The following HERC1 variants were observed in gnomAD, a reference collection of about 807,000 sequenced individuals.
HERC1 encodes the protein HECT and RLD domain containing E3 ubiquitin protein ligase family member 1.
A neutral mutation model predicts 554.3 loss-of-function variants in HERC1; 160 were observed. The observed-to-expected ratio is 0.29, with a 90% confidence interval of 0.25 to 0.33. HERC1 has a LOEUF of 0.33. HERC1 is among the 10% of genes least tolerant of loss of function. The pLI, the probability that HERC1 is intolerant of heterozygous loss-of-function variation, is 1.00. For missense variants in HERC1, 4,919 were observed against 5,918.5 expected (o/e 0.83, Z 5.54); for synonymous variants, 2,175 against 2,131.7 (o/e 1.02, Z -0.56).
Position 63,674,722 on chromosome 15 carries a change from T to C in HERC1, c.7466A>G (p.His2489Arg), listed in dbSNP as rs1411518056. The C allele has an allele frequency of 6.2e-7, 1 of 1,613,794 alleles. No homozygotes were observed. The highest frequency in any genetic ancestry group is 1.1e-5 in the South Asian group (1 of 91,036). ...HQITEGKRKNHEHMSKNHDVA... is the reference protein window; with the variant it reads ...HQITEGKRKNREHMSKNHDVA... The stretch of plus-strand genomic sequence containing the variant: ...ATCATGGTTTTTGGACATGTGTTCA[T>C]GATTTTTTCTTTTCCCTTCTGTTAT... Residue 2489 changes from histidine to arginine, a missense_variant, in exon 38 of 78, where the codon CAT (histidine) becomes CGT (arginine). His to Arg is a conservative substitution (Grantham distance 29, BLOSUM62 0). Transcript: ENST00000443617.
At chr15:63,819,228 A>T (rs1041449625) in intron 1 of HERC1, among the ~76,000 whole-genome samples, 2 of 152,136 alleles carry the variant, frequency 1.3e-5, no homozygotes, top group African/African-American at 4.8e-5. Context: ...TTGCATCATT[A>T]AAAAAAGAAC....
chr15:63,805,791 A>C (rs921920817), intron 1 of HERC1, among the ~76,000 whole-genome samples: 4 of 151,992 alleles, frequency 2.6e-5, no homozygotes, highest in African/African-American at 9.7e-5. Flanking sequence ...TACAAAAAAT[A>C]AGTTAGCCAT....
chr15:63,675,782 T>C (rs12906986), intron 37 of HERC1, among the ~76,000 whole-genome samples: 123,819 of 152,126 alleles, frequency 0.81, 52,263 homozygotes, highest in Non-Finnish European at 0.88. Flanking sequence ...AAGCTTTTGC[T>C]GGTATAAAGT....
chr15:63,616,813 A>G lies in HERC1; in HGVS notation c.13689-131T>C, dbSNP rs879332968. ...TGGCATCCATTAGCCACATAAGGCT[A>G]AAGTAATTAAATAAAACTAAAAATT... On this transcript the variant is annotated intron_variant, in intron 74 of 77. Coordinates refer to ENST00000443617, the MANE Select transcript of HERC1 (RefSeq NM_003922.4). 30 of 784,666 alleles carry G rather than the reference A, an allele frequency of 3.8e-5. No homozygotes were observed. The Admixed American group carries it at 4.8e-4, about 13-fold the overall frequency. The allele number at this position is 784,666 out of a possible 1,614,324, so 48.6% of individuals were successfully genotyped here.
intron 74 of HERC1, among the ~76,000 whole-genome samples, chr15:63,620,411 C>T (rs940870481): frequency 2.6e-5 from 4 of 151,752 alleles, no homozygotes; most frequent in African/African-American, 9.7e-5. Context: ...GCTTTACTTC[C>T]AACTATGTGG....
Position 63,749,747 on chromosome 15 carries a change from TG to T in HERC1, c.1946del (p.Ser649Ter). 6.3e-7 allele frequency: 1 copy of T among 1,581,418 alleles called. No individual in the cohort carries two copies. Among genetic ancestry groups the T allele is most frequent in the East Asian group, 2.3e-5 (1 of 43,452 alleles). On this transcript the variant is annotated frameshift_variant, in exon 9 of 78. Coordinates refer to ENST00000443617, the MANE Select transcript of HERC1 (RefSeq NM_003922.4). LOFTEE classifies it high-confidence loss of function. This position sits in a 1 kb window ranked among gnomAD's most constrained non-coding sequence, Gnocchi z 4.1. Reference sequence around the variant, plus strand: ...GCTTGGGTCTCAAAGCAGTAGCTTCTGAAGAACCACAACCTAGACAAGCTCC... The same window carrying T: ...GCTTGGGTCTCAAAGCAGTAGCTTCTAAGAACCACAACCTAGACAAGCTCC... ...GCGACLGCGS[S>X]EATALRPKLI... is the part of the protein sequence containing the mutation.
intron 74 of HERC1, among the ~76,000 whole-genome samples, chr15:63,620,755 T>C (rs1288273364): frequency 4.6e-5 from 7 of 152,178 alleles, no homozygotes; most frequent in Non-Finnish European, 1.0e-4. Context: ...GTAATGGCCT[T>C]CTTTGTCTCT....
rs549196128 is a variant in HERC1, at chr15:63,638,306, T to C, written c.12093+105A>G. 2.9e-5 allele frequency: 35 copies of C among 1,195,694 alleles called. 1 individual carries two copies. In the South Asian group the frequency reaches 4.7e-4, roughly 16 times the overall value. 74.1% of individuals were successfully genotyped at this position (1,195,694 alleles called of 1,614,324 possible). ...CATGACTTTCTTTAATGATTCCTCA[T>C]AATAGATTATGAAATGGACAAGCTT... On this transcript the variant is annotated intron_variant, in intron 63 of 77. Transcript: ENST00000443617.
At chr15:63,619,501 C>T (rs2067974115) in intron 74 of HERC1, among the ~76,000 whole-genome samples, 1 of 152,228 alleles carries the variant, frequency 6.6e-6, no homozygotes. Context: ...CAGGATGATG[C>T]TGGCCTCCTA....
In HERC1 at chr15:63,659,827, T is replaced by A. The variant is rs1479801721; in HGVS notation, c.9333A>T (p.Glu3111Asp). Residue 3111 changes from glutamate to aspartate, a missense_variant, in exon 47 of 78, where the codon GAA becomes GAT. Coordinates refer to ENST00000443617, the MANE Select transcript of HERC1 (RefSeq NM_003922.4). ...LGLNDRRIVP[E>D]PVQFPDSDPL... ...GATCGCTGTCAGGGAACTGAACTGGTTCTGGTACAATGCGCCGGTCATTTA... is the reference window on the plus strand; with the variant it reads ...GATCGCTGTCAGGGAACTGAACTGGATCTGGTACAATGCGCCGGTCATTTA... The A allele has an allele frequency of 6.2e-7, 1 of 1,613,814 alleles. No individual in the cohort carries two copies. Among genetic ancestry groups the A allele is most frequent in the African/African-American group, 1.3e-5 (1 of 74,928 alleles).
At chr15:63,617,687 T>G (rs1166070600) in intron 74 of HERC1, among the ~76,000 whole-genome samples, 4 of 152,226 alleles carry the variant, frequency 2.6e-5, no homozygotes, top group Admixed American at 2.6e-4. Flanking sequence ...CCTGACTTCT[T>G]AATGATCGCC....
chr15:63,685,683 T>G (rs1228254107), intron 34 of HERC1, among the ~76,000 whole-genome samples: 2 of 152,230 alleles, frequency 1.3e-5, no homozygotes, highest in African/African-American at 4.8e-5. Context: ...CATGGGGTCC[T>G]ATTGATAGTT....
In HERC1 at chr15:63,612,387, T is replaced by C. The variant is rs1425730752; in HGVS notation, c.14264A>G (p.Gln4755Arg). 6.2e-7 allele frequency: 1 copy of C among 1,614,050 alleles called. No homozygotes were observed. The highest frequency in any genetic ancestry group is 8.5e-7 in the Non-Finnish European group (1 of 1,179,900). ...CTCTTCCAGCGTGTGCCAGAACCAC[T>C]GCACCAGCTGATGCTGCTCATCCAC... ...REVDEQHQLV[Q>R]WFWHTLEEFS... The change falls in exon 77 of 78, where the codon CAG becomes CGG. Residue 4755 changes from glutamine (Q) to arginine (R), a missense_variant. Gln to Arg is a conservative substitution (Grantham distance 43). Coordinates refer to ENST00000443617, the MANE Select transcript of HERC1 (RefSeq NM_003922.4). This position sits in a 1 kb window ranked among gnomAD's most constrained non-coding sequence, Gnocchi z 5.0.
intron 1 of HERC1, among the ~76,000 whole-genome samples, chr15:63,816,857 T>C (rs1174789078): frequency 6.6e-6 from 1 of 152,120 alleles, no homozygotes; most frequent in Non-Finnish European, 1.5e-5. Flanking sequence ...CAATCACTGA[T>C]GAATTAAGAA....
chr15:63,787,466 T>C (rs2076495016), intron 1 of HERC1, among the ~76,000 whole-genome samples: 1 of 152,126 alleles, frequency 6.6e-6, no homozygotes, highest in African/African-American at 2.4e-5. Flanking sequence ...CAATAAATTA[T>C]TTAAATTAAA....
chr15:63,626,119 T>C lies in HERC1; in HGVS notation c.13141A>G (p.Thr4381Ala), dbSNP rs776626146. The C allele has an allele frequency of 1.2e-6, 2 of 1,613,666 alleles. No individual in the cohort carries two copies. The highest frequency in any genetic ancestry group is 2.2e-5 in the South Asian group (2 of 91,014). Residue 4381 changes from threonine (T) to alanine (A), a missense_variant, in exon 71 of 78, where the codon ACA becomes GCA. Coordinates refer to ENST00000443617, the MANE Select transcript of HERC1 (RefSeq NM_003922.4). ...AGCGCCCCATACTGGGGGGGCACTGTGTCAGGCAGGCCCAGCTGCAGAGGT... is the reference window on the plus strand; with the variant it reads ...AGCGCCCCATACTGGGGGGGCACTGCGTCAGGCAGGCCCAGCTGCAGAGGT... ...SVPLQLGLPD[T>A]VPPQYGALRE... is the part of the protein sequence containing the mutation.
At chr15:63,755,202 A>G (rs1472792307) in intron 6 of HERC1, 27 bp downstream of exon 6, 20 of 1,465,726 alleles carry the variant, frequency 1.4e-5, no homozygotes, top group Non-Finnish European at 1.7e-5. Flanking sequence ...TTCTAGAAGA[A>G]TAACTTACAT....
At chr15:63,723,855 T>G (rs1404981726) in intron 18 of HERC1, among the ~76,000 whole-genome samples, 1 of 152,184 alleles carries the variant, frequency 6.6e-6, no homozygotes, top group African/African-American at 2.4e-5. Context: ...TCAATTGATA[T>G]TTATATTTGT....
chr15:63,709,165 A>AT (rs201668167), intron 24 of HERC1, among the ~76,000 whole-genome samples: 1,831 of 150,962 alleles, frequency 0.012, 30 homozygotes, highest in African/African-American at 0.043. Flanking sequence ...ATATATATAT[A>AT]TTTTTTATTT....
Sources: allele counts gnomAD v4.1 joint callset (sites outside exome capture counted in the v4.1 genomes callset), GRCh38; gene constraint gnomAD v4.1.1; non-coding constraint Gnocchi (gnomAD v3.1); transcripts MANE v1.5; gene names NCBI Gene and HGNC (gene_info 2026-07-23, HGNC 2026-07-21).